The following ZPBP variants were observed in gnomAD, a reference collection of about 807,000 sequenced individuals.
ZPBP encodes zona pellucida binding protein.
In ZPBP, 26 loss-of-function variants were observed where a neutral mutation model predicts 44.8. The observed-to-expected ratio is 0.58, with a 90% CI of 0.43 to 0.81. The LOEUF is 0.81. ZPBP is among the 30% of genes least tolerant of loss of function. The pLI, the probability that ZPBP is intolerant of heterozygous loss-of-function variation, is 0.00. For missense variants in ZPBP, 409 were observed against 434.0 expected, an observed-to-expected ratio of 0.94 and a Z score of 0.51; for synonymous variants, 174 against 153.2, an observed-to-expected ratio of 1.14 and a Z score of -1.00.
chr7:49,867,532 T>A (rs914257071), intron 2 of ZPBP, among the ~76,000 whole-genome samples: 7 of 152,166 alleles, frequency 4.6e-5, no homozygotes, highest in African/African-American at 1.7e-4. Context: ...AGTCTTCTTG[T>A]TCTGTTAAAA....
intron 7 of ZPBP, among the ~76,000 whole-genome samples, chr7:49,941,506 A>C (rs1794883227): frequency 6.6e-6 from 1 of 152,160 alleles, no homozygotes; most frequent in Non-Finnish European, 1.5e-5. Context: ...ATTAACAATA[A>C]ACAATCCAAA....
At chr7:50,033,701 T>TATTTA (rs1799704055) in intron 4 of ZPBP, among the ~76,000 whole-genome samples, 1 of 151,966 alleles carries the variant, frequency 6.6e-6, no homozygotes, top group East Asian at 1.9e-4. Flanking sequence ...TTTATTTATT[T>TATTTA]ATTTATTTAG....
intron 2 of ZPBP, among the ~76,000 whole-genome samples, chr7:49,886,322 TCAC>T (rs34718730): frequency 0.031 from 4,697 of 152,238 alleles, 260 homozygotes; most frequent in African/African-American, 0.11. Flanking sequence ...AGCGCAAAAT[TCAC>T]CACATTAGCC....
At chr7:49,863,331 C>T (rs1243610157) in intron 2 of ZPBP, among the ~76,000 whole-genome samples, 1 of 152,144 alleles carries the variant, frequency 6.6e-6, no homozygotes, top group Non-Finnish European at 1.5e-5. Flanking sequence ...TAATTTGTAT[C>T]TTCTCTCTTT....
chr7:50,036,543 T>TA (rs1296734685), intron 4 of ZPBP, among the ~76,000 whole-genome samples: 1 of 152,174 alleles, frequency 6.6e-6, no homozygotes, highest in African/African-American at 2.4e-5. Flanking sequence ...AACATTGTAA[T>TA]ATGTAAACCA....
chr7:49,932,195 T>C (rs989626190), intron 1 of ZPBP, among the ~76,000 whole-genome samples: 2 of 152,172 alleles, frequency 1.3e-5, no homozygotes, highest in Non-Finnish European at 2.9e-5. Context: ...GGGTACTGCC[T>C]ATTGGAGCTG....
intron 6 of ZPBP, among the ~76,000 whole-genome samples, chr7:49,987,675 A>G (rs939602020): frequency 1.3e-5 from 2 of 151,858 alleles, no homozygotes; most frequent in African/African-American, 4.8e-5. Flanking sequence ...ACTGGCAAAC[A>G]GTCTAAATAG....
At position 49,921,984 on chromosome 7, in the gene ZPBP, T is replaced by C. The variant is rs1034818706; in HGVS notation, n.411+13767A>G. ...CTTCCAGGTAGAGTCACATTTAAGA[T>C]AATCCTTTGAAATATTTTAGCTTTT... On this transcript the variant is annotated intron_variant and non_coding_transcript_variant, in intron 1 of 2. Coordinates refer to the ZPBP transcript ENST00000465922. The C allele has an allele frequency of 1.7e-4, 26 of 152,336 alleles. No homozygotes were observed. The South Asian group carries it at 4.8e-3, about 28-fold the overall frequency. The allele number at this position is 152,336 out of a possible 1,614,324, so 9.4% of individuals were successfully genotyped here.
chr7:49,916,131 C>T (rs747450691), intron 1 of ZPBP: 2 of 152,230 alleles, frequency 1.3e-5, no homozygotes, highest in Non-Finnish European at 2.9e-5. Context: ...ATCCTCACTT[C>T]ACACCAACTT....
At chr7:50,033,029 G>T (rs554068013) in intron 4 of ZPBP, among the ~76,000 whole-genome samples, 2 of 151,754 alleles carry the variant, frequency 1.3e-5, no homozygotes, top group Admixed American at 1.3e-4. Flanking sequence ...ACTGATGTAG[G>T]ACTAAAATTA....
chr7:49,928,478 T>C (rs1203651818), intron 1 of ZPBP, among the ~76,000 whole-genome samples: 5 of 152,160 alleles, frequency 3.3e-5, no homozygotes. Context: ...TCTATTGATA[T>C]TTCTCTTCCC....
At chr7:49,992,169 C>T (rs1449391850) in intron 6 of ZPBP, among the ~76,000 whole-genome samples, 1 of 152,152 alleles carries the variant, frequency 6.6e-6, no homozygotes, top group Admixed American at 6.5e-5. Context: ...ACCAAAGTGG[C>T]TATCTACTTA....
chr7:49,994,818 C>T (rs1227341821), intron 6 of ZPBP, among the ~76,000 whole-genome samples: 1 of 152,182 alleles, frequency 6.6e-6, no homozygotes, highest in Non-Finnish European at 1.5e-5. Flanking sequence ...TGTACAACAG[C>T]CTAGACCTGT....
intron 2 of ZPBP, among the ~76,000 whole-genome samples, chr7:49,870,257 G>A (rs1345529728): frequency 6.6e-6 from 1 of 152,108 alleles, no homozygotes; most frequent in Non-Finnish European, 1.5e-5. Flanking sequence ...AAAATTAGCT[G>A]GGCATGGTGG....
At chr7:50,041,532 C>T (rs963609035) in intron 4 of ZPBP, among the ~76,000 whole-genome samples, 1 of 152,160 alleles carries the variant, frequency 6.6e-6, no homozygotes, top group African/African-American at 2.4e-5. Context: ...TCGAGTGGAC[C>T]TCCTGCAAAC....
At chr7:49,879,608 C>T (rs137857780) in intron 2 of ZPBP, among the ~76,000 whole-genome samples, 9 of 152,258 alleles carry the variant, frequency 5.9e-5, no homozygotes, top group Non-Finnish European at 1.2e-4. Flanking sequence ...ACCCAAAGCT[C>T]GTGGCATTCA....
intron 2 of ZPBP, among the ~76,000 whole-genome samples, chr7:49,879,701 T>G (rs999980419): frequency 3.3e-5 from 5 of 151,756 alleles, no homozygotes; most frequent in Admixed American, 6.6e-5. Flanking sequence ...TAGTACATAG[T>G]AATTCTTTCT....
chr7:49,850,789 C>T (rs1790144289), intron 2 of ZPBP, among the ~76,000 whole-genome samples: 1 of 152,198 alleles, frequency 6.6e-6, no homozygotes, highest in African/African-American at 2.4e-5. Flanking sequence ...ATCATGGGTA[C>T]AGTGAGCTCC....
intron 2 of ZPBP, among the ~76,000 whole-genome samples, chr7:49,886,886 G>A (rs777088468): frequency 2.0e-5 from 3 of 152,086 alleles, no homozygotes; most frequent in South Asian, 2.1e-4. Flanking sequence ...GTTGGACCTC[G>A]TAAGACTTCT....
Sources: gnomAD v4.1 joint callset for allele counts (sites outside exome capture counted in the v4.1 genomes callset) on GRCh38, gnomAD v4.1.1 for gene constraint, MANE v1.5 for transcripts, NCBI Gene and HGNC (gene_info 2026-07-23, HGNC 2026-07-21) for gene names.